Variants in HS6ST3 observed in about 807,000 individuals in gnomAD.
HS6ST3 encodes heparan sulfate 6-O-sulfotransferase 3, also known as heparan-sulfate 6-O-sulfotransferase 3.
A neutral mutation model predicts 36.7 loss-of-function variants in HS6ST3; 12 were observed. That is an observed-to-expected ratio of 0.33 (90% CI 0.21 to 0.53). HS6ST3 has a LOEUF of 0.53. HS6ST3 is among the 20% of genes least tolerant of loss of function. The pLI, the probability that HS6ST3 is intolerant of heterozygous loss-of-function variation, is 0.95. For synonymous variants in HS6ST3, 240 were observed against 257.5 expected, an observed-to-expected ratio of 0.93 and a Z score of 0.65; for missense variants, 584 against 640.9, an observed-to-expected ratio of 0.91 and a Z score of 0.96.
chr13:96,506,611 G>A (rs1333660842), intron 1 of HS6ST3, among the ~76,000 whole-genome samples: 1 of 152,136 alleles, frequency 6.6e-6, no homozygotes, highest in African/African-American at 2.4e-5. Context: ...AATGCAATCA[G>A]TGAATGGAGA....
intron 1 of HS6ST3, among the ~76,000 whole-genome samples, chr13:96,600,281 T>C (rs1165310591): frequency 6.6e-6 from 1 of 151,748 alleles, no homozygotes; most frequent in African/African-American, 2.4e-5. Context: ...TCTCTTTTCT[T>C]AAATTTAGTG....
intron 1 of HS6ST3, among the ~76,000 whole-genome samples, chr13:96,423,431 T>TG (rs146120947): frequency 0.025 from 3,724 of 151,626 alleles, 171 homozygotes; most frequent in African/African-American, 0.084. Context: ...ACAAGCACGG[T>TG]GAAAAATAAT....
intron 1 of HS6ST3, among the ~76,000 whole-genome samples, chr13:96,251,775 T>C (rs1228839902): frequency 1.3e-5 from 2 of 152,164 alleles, no homozygotes; most frequent in Admixed American, 6.5e-5. Context: ...TATCTCAAGA[T>C]ATTTTTTGAT....
intron 1 of HS6ST3, among the ~76,000 whole-genome samples, chr13:96,560,687 C>CA (rs1302341934): frequency 1.3e-5 from 2 of 152,096 alleles, no homozygotes; most frequent in Admixed American, 6.6e-5. Context: ...TTTCAGGATA[C>CA]AAAATCAATG....
chr13:96,515,608 G>A (rs1324055756), intron 1 of HS6ST3, among the ~76,000 whole-genome samples: 1 of 152,100 alleles, frequency 6.6e-6, no homozygotes, highest in African/African-American at 2.4e-5. Context: ...GTGTTGAATT[G>A]TAATCCCCAT....
At chr13:96,205,629 C>T (rs764879645) in intron 1 of HS6ST3, among the ~76,000 whole-genome samples, 15 of 152,252 alleles carry the variant, frequency 9.9e-5, no homozygotes, top group African/African-American at 2.4e-4. Context: ...TTATCCACCA[C>T]GATCAAGTTG....
chr13:96,509,186 C>T (rs1411977477), intron 1 of HS6ST3, among the ~76,000 whole-genome samples: 2 of 152,044 alleles, frequency 1.3e-5, no homozygotes, highest in Non-Finnish European at 2.9e-5. Flanking sequence ...TCTTTGCCCA[C>T]TTTTTCATGG....
At chr13:96,335,036 A>T (rs1220645658) in intron 1 of HS6ST3, among the ~76,000 whole-genome samples, 1 of 152,190 alleles carries the variant, frequency 6.6e-6, no homozygotes, top group Non-Finnish European at 1.5e-5. Context: ...AAACTTGTGT[A>T]CAAATTGGGC....
intron 1 of HS6ST3, among the ~76,000 whole-genome samples, chr13:96,202,636 A>G (rs886663759): frequency 3.3e-5 from 5 of 152,120 alleles, no homozygotes; most frequent in Admixed American, 2.6e-4. Context: ...GACCACTCTG[A>G]TTTATGTTCG....
chr13:96,163,524 C>G (rs1012264294), intron 1 of HS6ST3, among the ~76,000 whole-genome samples: 1 of 152,078 alleles, frequency 6.6e-6, no homozygotes, highest in Non-Finnish European at 1.5e-5. Flanking sequence ...CCACTGCACC[C>G]AGCCCCTGTG....
At chr13:96,182,394 C>T (rs967291779) in intron 1 of HS6ST3, among the ~76,000 whole-genome samples, 2 of 152,182 alleles carry the variant, frequency 1.3e-5, no homozygotes, top group African/African-American at 4.8e-5. Context: ...AATAACTCTG[C>T]TCACTAATGT....
intron 1 of HS6ST3, among the ~76,000 whole-genome samples, chr13:96,751,790 A>G (rs375107052): frequency 2.0e-5 from 3 of 151,742 alleles, no homozygotes; most frequent in Non-Finnish European, 4.4e-5. Context: ...ATACATATAT[A>G]CATATGTGTG....
chr13:96,533,763 T>C lies in HS6ST3; in HGVS notation c.708-298727T>C, dbSNP rs140058923. ...CAAACTGGAGAGAAGCACAGTCTCA[T>C]TTGATCCGGCCTTGAGGTCTTTGCA... is the stretch of plus-strand genomic sequence containing the variant. On this transcript the variant is annotated intron_variant, in intron 1 of 1. Transcript: ENST00000376705. 6.5e-3 allele frequency among the ~76,000 whole-genome samples: 989 copies of C among 152,332 alleles called. 17 individuals carry two copies. Among genetic ancestry groups the C allele is most frequent in the African/African-American group, 0.022 (919 of 41,572 alleles).
At chr13:96,190,985 A>C (rs759397124) in intron 1 of HS6ST3, among the ~76,000 whole-genome samples, 3 of 152,132 alleles carry the variant, frequency 2.0e-5, no homozygotes, top group Admixed American at 6.5e-5. Flanking sequence ...GGCCGCAATC[A>C]ATGTGGTTCA....
chr13:96,634,639 A>G (rs1026108030), intron 1 of HS6ST3, among the ~76,000 whole-genome samples: 21 of 152,106 alleles, frequency 1.4e-4, no homozygotes, highest in African/African-American at 4.8e-4. Context: ...GCAATGTGGC[A>G]TTAACACTCT....
intron 1 of HS6ST3, among the ~76,000 whole-genome samples, chr13:96,172,266 C>T (rs2054191127): frequency 1.3e-5 from 2 of 152,180 alleles, no homozygotes; most frequent in Admixed American, 1.3e-4. Flanking sequence ...TGCCAAAACC[C>T]AGCTTTGCAA....
chr13:96,291,859 G>A (rs2054831234), intron 1 of HS6ST3, among the ~76,000 whole-genome samples: 1 of 152,104 alleles, frequency 6.6e-6, no homozygotes, highest in South Asian at 2.1e-4. Flanking sequence ...AGATCCTAAT[G>A]ATTGTTTTTT....
rs537333939 is a variant in HS6ST3 at position 96,800,013 on chromosome 13, T to C, written c.708-32477T>C. Among the ~76,000 whole-genome samples the C allele has an allele frequency of 7.9e-5, 11 of 139,546 alleles. No individual in the cohort carries two copies. In the South Asian group the frequency reaches 1.8e-3, roughly 23 times the overall value. The allele number at this position is 139,546 out of a possible 152,430, so 91.5% of individuals were successfully genotyped here. ...ATATATATATGTATATATATATATA[T>C]GTATATATATATATGGAAGAGAGAA... On this transcript the variant is annotated intron_variant, in intron 1 of 1. Coordinates refer to ENST00000376705, the MANE Select transcript of HS6ST3 (RefSeq NM_153456.4).
At chr13:96,324,398 G>A (rs1264526144) in intron 1 of HS6ST3, among the ~76,000 whole-genome samples, 1 of 152,172 alleles carries the variant, frequency 6.6e-6, no homozygotes, top group Non-Finnish European at 1.5e-5. Context: ...AAGTGATATG[G>A]TGTGGAATCT....
Sources: allele counts gnomAD v4.1 joint callset (sites outside exome capture counted in the v4.1 genomes callset), GRCh38; gene constraint gnomAD v4.1.1; transcripts MANE v1.5; gene names NCBI Gene and HGNC (gene_info 2026-07-23, HGNC 2026-07-21).